The following RYR2 variants were observed in gnomAD, a reference collection of about 807,000 sequenced individuals.
The protein encoded by RYR2 is cardiac muscle ryanodine receptor-calcium release channel.
RYR2 carries 227 observed loss-of-function variants against 601.1 expected under a neutral mutation model. The observed-to-expected ratio is 0.38, with a 90% CI of 0.34 to 0.42. The LOEUF is 0.42. Among genes scored for constraint, RYR2 ranks in the 10% least tolerant of loss-of-function variants. The pLI, the probability that RYR2 is intolerant of heterozygous loss-of-function variation, is 1.00. For missense variants in RYR2, 4,646 were observed against 6,156.5 expected, an observed-to-expected ratio of 0.75 and a Z score of 8.21; for synonymous variants, 2,223 against 2,175.1, an observed-to-expected ratio of 1.02 and a Z score of -0.61.
At chr1:237,750,009 G>A (rs955825239) in intron 80 of RYR2, among the ~76,000 whole-genome samples, 3 of 152,034 alleles carry the variant, frequency 2.0e-5, no homozygotes, top group African/African-American at 7.2e-5. Context: ...AGCTGGGCAT[G>A]GTGGCGGGCG....
At chr1:237,110,935 C>T (rs184441578) in intron 1 of RYR2, among the ~76,000 whole-genome samples, 1 of 152,174 alleles carries the variant, frequency 6.6e-6, no homozygotes, top group African/African-American at 2.4e-5. Context: ...TGAAGTCCCC[C>T]TTTAATGAGA....
rs1242124349 is a variant in RYR2, at chr1:237,649,861, T to C, written c.7513-16T>C. On this transcript the variant is annotated splice_polypyrimidine_tract_variant and intron_variant, in intron 49 of 104. Transcript: ENST00000366574. ...GCCAAACACAAATGGCCTTCTACTC[T>C]CTGATTCTTTTTCAGGCAGCTTTGA... The C allele has an allele frequency of 6.2e-7, 1 of 1,610,946 alleles. No homozygotes were observed.
At chr1:237,334,421 A>C (rs1167197815) in intron 3 of RYR2, among the ~76,000 whole-genome samples, 1 of 147,314 alleles carries the variant, frequency 6.8e-6, no homozygotes, top group African/African-American at 2.5e-5. Flanking sequence ...TGGATTTTCT[A>C]AAATGTCTGT....
intron 1 of RYR2, among the ~76,000 whole-genome samples, chr1:237,203,865 C>T (rs564953268): frequency 2.0e-5 from 3 of 152,344 alleles, no homozygotes; most frequent in African/African-American, 7.2e-5. Context: ...TCTCCACCTC[C>T]ATGGACTACA....
chr1:237,365,394 C>T (rs545492986), intron 5 of RYR2, among the ~76,000 whole-genome samples: 2 of 152,212 alleles, frequency 1.3e-5, no homozygotes, highest in Non-Finnish European at 2.9e-5. Flanking sequence ...TGGACCTGTT[C>T]ACTACCAGTG....
chr1:237,154,705 C>T (rs1675112082), intron 1 of RYR2, among the ~76,000 whole-genome samples: 1 of 151,998 alleles, frequency 6.6e-6, no homozygotes, highest in Admixed American at 6.6e-5. Flanking sequence ...AGATTTGGAC[C>T]TCCGTCCTAT....
chr1:237,293,840 G>T (rs1459908763), intron 2 of RYR2, among the ~76,000 whole-genome samples: 1 of 152,074 alleles, frequency 6.6e-6, no homozygotes, highest in South Asian at 2.1e-4. Context: ...TTTTTAAGGA[G>T]GCTCCATTTT....
Position 237,794,002 on chromosome 1 carries a change from GTAAA to G in RYR2, c.13913+9_13913+12del. 6.2e-7 allele frequency: 1 copy of G among 1,607,648 alleles called. No homozygotes were observed. The highest frequency in any genetic ancestry group is 8.5e-7 in the Non-Finnish European group (1 of 1,176,038). On this transcript the variant is annotated splice_donor_region_variant and intron_variant, in intron 95 of 104. Coordinates refer to ENST00000366574, the MANE Select transcript of RYR2 (RefSeq NM_001035.3). ...TAGACTCGTAATCAACACACAGTGA[GTAAA>G]TAATTATATGAGACTTTCTGCACTC...
chr1:237,623,997 A>G, intron 39 of RYR2, 127 bp downstream of exon 39: 2 of 662,514 alleles, frequency 3.0e-6, no homozygotes, highest in Non-Finnish European at 5.2e-6. Flanking sequence ...AAGTTATATA[A>G]AAACATTTAT....
At chr1:237,780,978 C>T (rs1207827615) in intron 88 of RYR2, among the ~76,000 whole-genome samples, 1 of 152,100 alleles carries the variant, frequency 6.6e-6, no homozygotes, top group Non-Finnish European at 1.5e-5. Context: ...TTGAGTCTTG[C>T]TTGGCATTGG....
At chr1:237,115,580 A>G (rs1189129618) in intron 1 of RYR2, among the ~76,000 whole-genome samples, 1 of 152,156 alleles carries the variant, frequency 6.6e-6, no homozygotes, top group Non-Finnish European at 1.5e-5. Flanking sequence ...GTTGGAAATG[A>G]AGTTGATTTT....
chr1:237,068,136 G>A (rs1663881967), intron 1 of RYR2, among the ~76,000 whole-genome samples: 3 of 150,014 alleles, frequency 2.0e-5, no homozygotes. Context: ...TGGCTTTCTG[G>A]GGCCCATTTT....
intron 66 of RYR2, among the ~76,000 whole-genome samples, chr1:237,703,024 C>T (rs1242163235): frequency 6.6e-6 from 1 of 151,788 alleles, no homozygotes; most frequent in Non-Finnish European, 1.5e-5. Context: ...TGATATGTGA[C>T]TTTATTTTTG....
intron 28 of RYR2, among the ~76,000 whole-genome samples, chr1:237,568,711 C>T (rs923210736): frequency 5.3e-5 from 8 of 152,098 alleles, no homozygotes; most frequent in East Asian, 1.9e-4. Flanking sequence ...CTATCATTTT[C>T]AATGACAGAT....
At chr1:237,451,692 C>T (rs932412360) in intron 14 of RYR2, among the ~76,000 whole-genome samples, 29 of 151,652 alleles carry the variant, frequency 1.9e-4, no homozygotes, top group African/African-American at 5.6e-4. Flanking sequence ...ATATGCTTTT[C>T]AGTAAAATAT....
At position 237,548,486 on chromosome 1, in the gene RYR2, C is replaced by T. The variant is rs938173349; in HGVS notation, c.2962C>T (p.Leu988Phe). ...CCCTATGGACCTGAGCTTTATCAAA[C>T]TCACCCCATCACAAGAAGCAATGGT... is the stretch of plus-strand genomic sequence containing the variant. Reference protein sequence around the residue: ...PAPMDLSFIKLTPSQEAMVDK... With the variant: ...PAPMDLSFIKFTPSQEAMVDK... The change falls in exon 26 of 105, where the codon CTC becomes TTC. Residue 988 changes from leucine (L) to phenylalanine (F), a missense_variant. By Grantham distance (22) the Leu-to-Phe change is conservative. This residue lies in a region of RYR2 where 1,807 missense variants were observed against 2,088.1 expected (regional missense o/e 0.87). Transcript: ENST00000366574. The T allele has an allele frequency of 1.9e-6, 3 of 1,613,858 alleles. No homozygotes were observed. Among genetic ancestry groups the T allele is most frequent in the African/African-American group, 1.3e-5 (1 of 74,930 alleles).
intron 88 of RYR2, 48 bp from the exon 89 acceptor site, chr1:237,781,517 C>T (rs1695110609): frequency 2.2e-6 from 2 of 893,004 alleles, no homozygotes; most frequent in Non-Finnish European, 3.6e-6. Context: ...GATGTTCCTG[C>T]TGCATAGTTT....
chr1:237,772,195 G>T (rs1306275284), intron 86 of RYR2, 95 bp downstream of exon 86: 2 of 664,904 alleles, frequency 3.0e-6, no homozygotes, highest in Non-Finnish European at 2.5e-6. Flanking sequence ...TAACTAGAAA[G>T]GAGTTTTTGA....
intron 1 of RYR2, among the ~76,000 whole-genome samples, chr1:237,073,258 CCTCT>C (rs1558186163): frequency 6.6e-6 from 1 of 152,126 alleles, no homozygotes; most frequent in Non-Finnish European, 1.5e-5. Flanking sequence ...TTTGGATGGG[CCTCT>C]CTCTCGAGCA....
Sources: gnomAD v4.1 joint callset for allele counts (sites outside exome capture counted in the v4.1 genomes callset) on GRCh38, gnomAD v4.1.1 for gene constraint, gnomAD v4.1.1 regional missense constraint, MANE v1.5 for transcripts, NCBI Gene and HGNC (gene_info 2026-07-23, HGNC 2026-07-21) for gene names.